Variants in NSD3 observed in about 807,000 individuals in gnomAD.
The protein encoded by NSD3 is nuclear receptor binding SET domain protein 3, also known as histone-lysine N-methyltransferase NSD3.
NSD3 carries 24 observed loss-of-function variants against 160.8 expected under a neutral mutation model. The observed-to-expected ratio is 0.15, with a 90% CI of 0.11 to 0.21. The LOEUF is 0.21. Ranked by LOEUF, NSD3 falls within the 10% of genes least tolerant of loss-of-function variation. The pLI, the probability that NSD3 is intolerant of heterozygous loss-of-function variation, is 1.00. For synonymous variants in NSD3, 520 were observed against 600.0 expected (o/e 0.87, Z 1.95); for missense variants, 1,157 against 1,735.9 (o/e 0.67, Z 5.93).
chr8:38,351,125 C>T (rs1810688494), intron 1 of NSD3, among the ~76,000 whole-genome samples: 1 of 151,692 alleles, frequency 6.6e-6, no homozygotes, highest in South Asian at 2.1e-4. Context: ...GTGCCCGCCA[C>T]CATGCCCAGC....
At chr8:38,338,515 G>A (rs1810279773) in intron 3 of NSD3, 21 bp downstream of exon 3, 20 of 1,597,142 alleles carry the variant, frequency 1.3e-5, no homozygotes, top group Non-Finnish European at 1.5e-5. Flanking sequence ...TGGTTAGACA[G>A]TATTCAGTAA....
Position 38,306,852 on chromosome 8 carries a change from T to C in NSD3, c.2243-1407A>G, listed in dbSNP as rs141439330. 1.0e-3 allele frequency among the ~76,000 whole-genome samples: 153 copies of C among 152,210 alleles called. 1 individual carries two copies. The East Asian group carries it at 0.023, about 23-fold the overall frequency. ...AAAAACGGCCAGGCGCGGTGGCTCA[T>C]GCCTGTAATCCCAGCACTTTGGGAG... On this transcript the variant is annotated intron_variant, in intron 12 of 23. Transcript: ENST00000317025.
chr8:38,345,311 G>A (rs539784340), intron 2 of NSD3, among the ~76,000 whole-genome samples: 58 of 130,690 alleles, frequency 4.4e-4, no homozygotes, highest in African/African-American at 1.6e-3. Flanking sequence ...GAAAGGGGGA[G>A]GAATGGGGCA....
chr8:38,333,637 G>A (rs1266288079), intron 4 of NSD3, among the ~76,000 whole-genome samples: 1 of 152,136 alleles, frequency 6.6e-6, no homozygotes. Flanking sequence ...GGAGGCCGAG[G>A]CGGGTGGATC....
At chr8:38,380,362 G>A (rs564419774) in intron 1 of NSD3, among the ~76,000 whole-genome samples, 1 of 152,190 alleles carries the variant, frequency 6.6e-6, no homozygotes, top group South Asian at 2.1e-4. Context: ...CCTTTCACCC[G>A]GACACAGCGC....
rs998312135 is a variant in NSD3 at position 38,273,317 on chromosome 8, A to T, written c.*2324T>A. 1.3e-5 allele frequency: 2 copies of T among 152,116 alleles called. No individual in the cohort carries two copies. Among genetic ancestry groups the T allele is most frequent in the African/African-American group, 4.8e-5 (2 of 41,426 alleles). The allele number at this position is 152,116 out of a possible 1,614,324, so 9.4% of individuals were successfully genotyped here. A position where few individuals can be genotyped will look rare whatever the true frequency, so the allele number is the denominator to read the frequency against. On this transcript the variant is annotated 3_prime_UTR_variant, in exon 24 of 24. Transcript: ENST00000317025. ...GGCAGCTATTTTGTTTTCTACTCTG[A>T]TTTCTGAAATGGTGAAACAATCCTA...
intron 1 of NSD3, among the ~76,000 whole-genome samples, chr8:38,358,844 AGC>A (rs1461493339): frequency 1.3e-5 from 2 of 152,154 alleles, no homozygotes; most frequent in African/African-American, 4.8e-5. Context: ...TCCGGGTGAC[AGC>A]ATCAAGGGAG....
rs1809466563 is a variant in NSD3, at chr8:38,308,808, CCT to C, written c.2243-3365_2243-3364del. On this transcript the variant is annotated intron_variant, in intron 12 of 23. Coordinates refer to ENST00000317025, the MANE Select transcript of NSD3 (RefSeq NM_023034.2). The stretch of plus-strand genomic sequence containing the variant: ...TCCAGCCTGGGCGACAGAGCAAGAA[CCT>C]CTCTCAAGAAAATATAAAATAAGCC... Among the ~76,000 whole-genome samples the C allele has an allele frequency of 5.3e-5, 8 of 151,484 alleles. No homozygotes were observed. The South Asian group carries it at 1.7e-3, about 32-fold the overall frequency.
chr8:38,336,736 G>C (rs1810225414), intron 4 of NSD3, among the ~76,000 whole-genome samples: 1 of 152,174 alleles, frequency 6.6e-6, no homozygotes, highest in Admixed American at 6.5e-5. Flanking sequence ...AAAAAAGCAA[G>C]TGTAAGCAAA....
intron 19 of NSD3, among the ~76,000 whole-genome samples, chr8:38,283,728 G>A (rs942334115): frequency 1.3e-5 from 2 of 152,078 alleles, no homozygotes; most frequent in East Asian, 1.9e-4. Flanking sequence ...CTTCAGCTGC[G>A]GAGCAGTCAC....
chr8:38,279,723 C>G (rs749197972), intron 20 of NSD3, 42 bp from the exon 21 acceptor site: 1 of 1,589,352 alleles, frequency 6.3e-7, no homozygotes, highest in African/African-American at 1.3e-5. Flanking sequence ...TAAATTAAGT[C>G]TCTCCCAGAA....
chr8:38,317,762 A>T lies in NSD3; in HGVS notation c.1855+1133T>A. The T allele has an allele frequency of 2.8e-6, 3 of 1,062,620 alleles. No homozygotes were observed. Among genetic ancestry groups the T allele is most frequent in the Non-Finnish European group, 3.6e-6 (3 of 837,208 alleles). 65.8% of individuals were successfully genotyped at this position (1,062,620 alleles called of 1,614,324 possible). ...AGCTGTACCCATCCAGCTCAAACCG[A>T]AAAAAAAAAATCATTTGACTGTTAA... On this transcript the variant is annotated intron_variant, in intron 9 of 23. Coordinates refer to ENST00000317025, the MANE Select transcript of NSD3 (RefSeq NM_023034.2). This position sits in a 1 kb window ranked among gnomAD's most constrained non-coding sequence, Gnocchi z 5.3.
chr8:38,329,898 A>T lies in NSD3; in HGVS notation c.1066-5T>A. On this transcript the variant is annotated splice_region_variant and splice_polypyrimidine_tract_variant and intron_variant, in intron 5 of 23. Transcript: ENST00000317025. The surrounding 1 kb of genome is among the most constrained non-coding windows in gnomAD (Gnocchi z 4.8). ...CTGAGGTCGGGGTTTCCGAATCTTT[A>T]AAAAAGATAGAGATTATCAGACATG... The T allele has an allele frequency of 6.4e-7, 1 of 1,563,912 alleles. No individual in the cohort carries two copies. The highest frequency in any genetic ancestry group is 2.2e-5 in the East Asian group (1 of 44,478).
chr8:38,280,900 G>C (rs1808719219), intron 20 of NSD3, among the ~76,000 whole-genome samples: 1 of 151,720 alleles, frequency 6.6e-6, no homozygotes. Flanking sequence ...CCACAGAAAC[G>C]TGCCACCACA....
At chr8:38,339,851 T>C (rs778081410) in intron 2 of NSD3, among the ~76,000 whole-genome samples, 2 of 152,168 alleles carry the variant, frequency 1.3e-5, no homozygotes, top group African/African-American at 2.4e-5. Flanking sequence ...ATTTATTCTA[T>C]AGAAATATCC....
intron 1 of NSD3, among the ~76,000 whole-genome samples, chr8:38,360,348 A>G (rs1277217057): frequency 6.6e-6 from 1 of 152,210 alleles, no homozygotes; most frequent in Non-Finnish European, 1.5e-5. Context: ...AAAGGCCATT[A>G]TATATTAATT....
At chr8:38,297,008 A>G (rs1809165632) in intron 15 of NSD3, among the ~76,000 whole-genome samples, 1 of 152,206 alleles carries the variant, frequency 6.6e-6, no homozygotes, top group African/African-American at 2.4e-5. Context: ...ATCATAGCCA[A>G]ATTTTAAAAA....
intron 19 of NSD3, among the ~76,000 whole-genome samples, chr8:38,285,357 GGACT>G (rs1426319542): frequency 6.6e-6 from 1 of 152,126 alleles, no homozygotes; most frequent in African/African-American, 2.4e-5. Flanking sequence ...AGAAAGAAGG[GGACT>G]GACTGTGTAC....
intron 1 of NSD3, among the ~76,000 whole-genome samples, chr8:38,376,944 G>A (rs1226752301): frequency 6.6e-6 from 1 of 152,040 alleles, no homozygotes; most frequent in Non-Finnish European, 1.5e-5. Context: ...AGCAAAACCT[G>A]CTAACAAACT....
Sources: gnomAD v4.1 joint callset for allele counts (sites outside exome capture counted in the v4.1 genomes callset) on GRCh38, gnomAD v4.1.1 for gene constraint, Gnocchi (gnomAD v3.1) non-coding constraint, MANE v1.5 for transcripts, NCBI Gene and HGNC (gene_info 2026-07-23, HGNC 2026-07-21) for gene names.